CACNA1C: variants seen among roughly 807,000 people sequenced by gnomAD.
The protein encoded by CACNA1C is voltage-dependent L-type calcium channel subunit alpha-1C.
In CACNA1C, 30 loss-of-function variants were observed where a neutral mutation model predicts 229.0. The ratio of observed to expected loss-of-function variants is 0.13; its 90% CI spans 0.10 to 0.18. The LOEUF is 0.18. CACNA1C is among the 10% of genes least tolerant of loss of function. The pLI is 1.00. For synonymous variants in CACNA1C, 1,114 were observed against 1,132.5 expected, an observed-to-expected ratio of 0.98 and a Z score of 0.33; for missense variants, 1,658 against 2,845.0, an observed-to-expected ratio of 0.58 and a Z score of 9.49.
intron 6 of CACNA1C, among the ~76,000 whole-genome samples, chr12:2,487,329 G>A (rs1018100976): frequency 4.0e-5 from 6 of 151,142 alleles, no homozygotes; most frequent in African/African-American, 1.5e-4. Flanking sequence ...CTCAGTCCCA[G>A]CACTCAGTTA....
intron 3 of CACNA1C, among the ~76,000 whole-genome samples, chr12:2,164,255 C>T (rs1392474039): frequency 6.6e-6 from 1 of 152,226 alleles, no homozygotes; most frequent in African/African-American, 2.4e-5. Context: ...GGTCTGCTTT[C>T]CTTCCTCTCT....
At chr12:2,135,473 A>T (rs570765850) in intron 3 of CACNA1C, among the ~76,000 whole-genome samples, 3,802 of 136,426 alleles carry the variant, frequency 0.028, 288 homozygotes, top group Middle Eastern at 0.06. Flanking sequence ...GGTGATGTAC[A>T]GATGGGTTTT....
intron 30 of CACNA1C, among the ~76,000 whole-genome samples, chr12:2,644,500 T>C (rs1397514331): frequency 6.6e-6 from 1 of 152,208 alleles, no homozygotes; most frequent in Non-Finnish European, 1.5e-5. Context: ...TTTTTTCGTA[T>C]GGTGAAGAGC....
rs1028971747 is a variant in CACNA1C, at chr12:2,679,112, C to T, written c.5092-332C>T. ...CTAGACGTGCCCTGGAAACTCACTC[C>T]CAGCCTTCAGGGGCTTCACTGGAAA... is the stretch of plus-strand genomic sequence containing the variant. On this transcript the variant is annotated intron_variant, in intron 41 of 46. Transcript: ENST00000399655. The surrounding 1 kb of genome is among the most constrained non-coding windows in gnomAD (Gnocchi z 5.5). Among the ~76,000 whole-genome samples, 25 of 152,206 alleles carry T rather than the reference C, an allele frequency of 1.6e-4. No homozygotes were observed. The highest frequency in any genetic ancestry group is 5.5e-4 in the African/African-American group (23 of 41,454).
intron 3 of CACNA1C, among the ~76,000 whole-genome samples, chr12:2,149,865 T>G (rs2095077625): frequency 6.6e-6 from 1 of 152,158 alleles, no homozygotes; most frequent in South Asian, 2.1e-4. Context: ...CATCAGCACC[T>G]CTAGTAGCCC....
chr12:2,404,331 TCTC>T (rs1177201202), intron 3 of CACNA1C, among the ~76,000 whole-genome samples: 1 of 152,026 alleles, frequency 6.6e-6, no homozygotes, highest in Non-Finnish European at 1.5e-5. Flanking sequence ...GTGAAGCACA[TCTC>T]CTCCTGTCCT....
At chr12:2,684,118 C>T (rs1237708846) in intron 43 of CACNA1C, among the ~76,000 whole-genome samples, 1 of 152,232 alleles carries the variant, frequency 6.6e-6, no homozygotes, top group Non-Finnish European at 1.5e-5. Context: ...CAGGCCAGCA[C>T]AGCATGCGGC....
chr12:2,624,185 A>G (rs780911078), intron 29 of CACNA1C, among the ~76,000 whole-genome samples: 2 of 152,200 alleles, frequency 1.3e-5, no homozygotes, highest in Non-Finnish European at 2.9e-5. Context: ...CCACAGACCT[A>G]GTGTTCTACA....
Position 2,677,294 on chromosome 12 carries a change from G to A in CACNA1C, c.4956+73G>A, listed in dbSNP as rs1194215046. 7.8e-6 allele frequency: 12 copies of A among 1,534,562 alleles called. No homozygotes were observed. Among genetic ancestry groups the A allele is most frequent in the East Asian group, 4.6e-5 (2 of 43,230 alleles). On this transcript the variant is annotated intron_variant, in intron 40 of 46. Transcript: ENST00000399655. The surrounding 1 kb of genome is among the most constrained non-coding windows in gnomAD (Gnocchi z 7.4). ...GCCTCTGACCTCCAGTCAGGGTCCC[G>A]GTCCCTCCCCAGCAGGCTGGAGGCC...
intron 29 of CACNA1C, among the ~76,000 whole-genome samples, chr12:2,615,605 A>G (rs2080085389): frequency 6.6e-6 from 1 of 152,146 alleles, no homozygotes; most frequent in Non-Finnish European, 1.5e-5. Context: ...GCCACACGTA[A>G]ATCCTTTACG....
chr12:2,479,775 C>T lies in CACNA1C; in HGVS notation c.758-6329C>T, dbSNP rs945674200. On this transcript the variant is annotated intron_variant, in intron 5 of 46. Coordinates refer to ENST00000399655, the MANE Select transcript of CACNA1C (RefSeq NM_000719.7). The surrounding 1 kb of genome is among the most constrained non-coding windows in gnomAD (Gnocchi z 4.3). ...CACTCCTGGGAAGCCCTGACTACAT[C>T]GGGATTGGGGATATCACATGTAGAA... Among the ~76,000 whole-genome samples, 15 of 152,212 alleles carry T rather than the reference C, an allele frequency of 9.9e-5. No homozygotes were observed. Among genetic ancestry groups the T allele is most frequent in the Non-Finnish European group, 2.9e-5 (2 of 68,046 alleles).
chr12:2,606,180 T>C (rs924621770), intron 24 of CACNA1C, among the ~76,000 whole-genome samples: 2 of 152,188 alleles, frequency 1.3e-5, no homozygotes, highest in Non-Finnish European at 2.9e-5. Context: ...CCTGTCAAAG[T>C]CAGCTCCTGC....
chr12:2,659,051 A>G (rs2095571071), intron 34 of CACNA1C, among the ~76,000 whole-genome samples: 1 of 152,156 alleles, frequency 6.6e-6, no homozygotes, highest in African/African-American at 2.4e-5. Flanking sequence ...AAAGAAAAGT[A>G]CTTTTTATAA....
chr12:2,051,192 A>C (rs2052122585), upstream of CACNA1C, among the ~76,000 whole-genome samples: 1 of 152,196 alleles, frequency 6.6e-6, no homozygotes, highest in Non-Finnish European at 1.5e-5. Flanking sequence ...GCCTTGAAGA[A>C]GCCGAGGGAG....
intron 1 of CACNA1C, among the ~76,000 whole-genome samples, chr12:2,103,775 A>T (rs7295451): frequency 0.57 from 87,355 of 152,118 alleles, 26,263 homozygotes; most frequent in Non-Finnish European, 0.66. Context: ...GAAGGGATCC[A>T]GTTTCAGCTT....
intron 29 of CACNA1C, among the ~76,000 whole-genome samples, chr12:2,628,996 T>C (rs1229918575): frequency 1.3e-5 from 2 of 152,208 alleles, no homozygotes; most frequent in Non-Finnish European, 2.9e-5. Flanking sequence ...TAGGCATCTC[T>C]TGGATTTTTT....
chr12:2,584,452 C>A, intron 15 of CACNA1C, 51 bp from the exon 16 acceptor site: 1 of 1,397,660 alleles, frequency 7.2e-7, no homozygotes, highest in Non-Finnish European at 1.0e-6. Context: ...CCCCTGTGCC[C>A]ACCAAAACCC....
intron 3 of CACNA1C, among the ~76,000 whole-genome samples, chr12:2,310,352 A>AATATATATATAT (rs35448122): frequency 3.6e-5 from 5 of 139,824 alleles, no homozygotes; most frequent in African/African-American, 1.3e-4. Flanking sequence ...TAAAAAAAAA[A>AATATATATATAT]ATATATATAT....
intron 29 of CACNA1C, among the ~76,000 whole-genome samples, chr12:2,615,563 C>T (rs368181196): frequency 1.3e-5 from 2 of 151,192 alleles, no homozygotes; most frequent in South Asian, 2.1e-4. Flanking sequence ...CCCAATTGCA[C>T]TTTGCTGGAG....
Sources: allele counts gnomAD v4.1 joint callset (sites outside exome capture counted in the v4.1 genomes callset), GRCh38; gene constraint gnomAD v4.1.1; non-coding constraint Gnocchi (gnomAD v3.1); transcripts MANE v1.5; gene names NCBI Gene and HGNC (gene_info 2026-07-23, HGNC 2026-07-21).